Variants in SGCZ observed in about 807,000 individuals in gnomAD.
SGCZ encodes the protein sarcoglycan zeta, also known as zeta-sarcoglycan.
SGCZ carries 40 observed loss-of-function variants against 41.3 expected under a neutral mutation model. The ratio of observed to expected loss-of-function variants is 0.97; its 90% CI spans 0.75 to 1.26. The LOEUF (loss-of-function observed/expected upper bound fraction) is 1.26. Ranked by LOEUF, SGCZ falls within the 50% of genes most tolerant of loss-of-function variation. The pLI is 0.00. For synonymous variants in SGCZ, 206 were observed against 137.5 expected, an observed-to-expected ratio of 1.50 and a Z score of -3.49; for missense variants, 552 against 369.8, an observed-to-expected ratio of 1.49 and a Z score of -4.04.
At chr8:14,452,402 T>C (rs899226191) in intron 2 of SGCZ, among the ~76,000 whole-genome samples, 2 of 152,044 alleles carry the variant, frequency 1.3e-5, no homozygotes, top group African/African-American at 4.8e-5. Context: ...GATATACTTG[T>C]CCTAACTCAA....
At chr8:14,200,018 G>A (rs1038748927) in intron 4 of SGCZ, among the ~76,000 whole-genome samples, 7 of 152,166 alleles carry the variant, frequency 4.6e-5, no homozygotes, top group South Asian at 2.1e-4. Flanking sequence ...GGTTGACGAC[G>A]TAAACAGAAA....
intron 2 of SGCZ, among the ~76,000 whole-genome samples, chr8:14,491,336 CAT>C (rs562359884): frequency 2.7e-4 from 38 of 142,290 alleles, no homozygotes; most frequent in African/African-American, 9.4e-4. Flanking sequence ...CAGGCAAAAA[CAT>C]CACACATCAG....
At chr8:14,621,110 T>C (rs898135906) in intron 1 of SGCZ, among the ~76,000 whole-genome samples, 2 of 151,890 alleles carry the variant, frequency 1.3e-5, no homozygotes, top group African/African-American at 4.8e-5. Context: ...TATGCAGCCA[T>C]AAAAATGATG....
chr8:14,733,187 GCC>G (rs1303852258), intron 1 of SGCZ, among the ~76,000 whole-genome samples: 1 of 152,008 alleles, frequency 6.6e-6, no homozygotes, highest in Non-Finnish European at 1.5e-5. Flanking sequence ...TTCCCTAACT[GCC>G]CCAGGGCCAG....
At chr8:14,149,051 T>G (rs944424333) in intron 5 of SGCZ, among the ~76,000 whole-genome samples, 6 of 151,898 alleles carry the variant, frequency 4.0e-5, no homozygotes, top group African/African-American at 1.5e-4. Context: ...TAACAAAAGT[T>G]CTATATAAGA....
intron 2 of SGCZ, among the ~76,000 whole-genome samples, chr8:14,374,925 G>A (rs965199227): frequency 5.3e-5 from 8 of 152,158 alleles, no homozygotes; most frequent in Non-Finnish European, 2.9e-5. Context: ...CAGCAAAGTA[G>A]GAGATGGAAA....
At position 14,551,532 on chromosome 8, in the gene SGCZ, TAATATATATAATATATATAATATATA is replaced by T. The variant is rs1803840785; in HGVS notation, c.234+3174_234+3199del. On this transcript the variant is annotated intron_variant, in intron 2 of 7. Coordinates refer to ENST00000382080, the MANE Select transcript of SGCZ (RefSeq NM_139167.4). Reference sequence around the variant, plus strand: ...TTATATATATTATATATAATATATATAATATATATAATATATATAATATATATTATATATATAATATATATATAATA... The same window carrying T: ...TTATATATATTATATATAATATATATTTATATATATAATATATATATAATA... Among the ~76,000 whole-genome samples, 4 of 5,660 alleles carry T rather than the reference TAATATATATAATATATATAATATATA, an allele frequency of 7.1e-4. No homozygotes were observed. In the Admixed American group the frequency reaches 0.015, roughly 21 times the overall value. 3.7% of individuals were successfully genotyped at this position (5,660 alleles called of 152,430 possible).
chr8:14,566,236 G>C (rs935188555), intron 1 of SGCZ, among the ~76,000 whole-genome samples: 6 of 152,122 alleles, frequency 3.9e-5, no homozygotes, highest in Non-Finnish European at 5.9e-5. Flanking sequence ...TTATTCTCTT[G>C]AATTATTTAC....
chr8:14,144,380 G>A (rs1326553119), intron 5 of SGCZ, among the ~76,000 whole-genome samples: 1 of 152,198 alleles, frequency 6.6e-6, no homozygotes, highest in Non-Finnish European at 1.5e-5. Flanking sequence ...TGGGCCAGAA[G>A]GGAATCCACT....
intron 1 of SGCZ, among the ~76,000 whole-genome samples, chr8:14,709,915 T>C (rs190585263): frequency 2.4e-4 from 36 of 152,270 alleles, no homozygotes; most frequent in East Asian, 1.9e-3. Flanking sequence ...CAAGTAATTG[T>C]CTTAATATTA....
At chr8:14,468,767 T>C (rs1474069649) in intron 2 of SGCZ, among the ~76,000 whole-genome samples, 3 of 152,074 alleles carry the variant, frequency 2.0e-5, no homozygotes, top group Non-Finnish European at 2.9e-5. Context: ...TAACTCTCCA[T>C]AAAATTAGCC....
At chr8:14,285,914 G>T (rs1032542752) in intron 3 of SGCZ, among the ~76,000 whole-genome samples, 15 of 152,194 alleles carry the variant, frequency 9.9e-5, no homozygotes, top group East Asian at 3.9e-4. Context: ...GACATCCTAT[G>T]ATTAGAATAC....
At chr8:14,269,103 T>C (rs1585302348) in intron 3 of SGCZ, among the ~76,000 whole-genome samples, 1 of 152,220 alleles carries the variant, frequency 6.6e-6, no homozygotes, top group South Asian at 2.1e-4. Context: ...ATATTCTCTA[T>C]GATATAGTCA....
intron 1 of SGCZ, among the ~76,000 whole-genome samples, chr8:14,669,996 A>G (rs1808053517): frequency 6.6e-6 from 1 of 152,214 alleles, no homozygotes; most frequent in Admixed American, 6.5e-5. Flanking sequence ...ATACAAGTAC[A>G]GCATGATATT....
At position 14,523,876 on chromosome 8, in the gene SGCZ, C is replaced by T. The variant is rs1802862324; in HGVS notation, c.234+30856G>A. Among the ~76,000 whole-genome samples the T allele has an allele frequency of 2.0e-5, 3 of 151,850 alleles. No homozygotes were observed. The South Asian group carries it at 6.2e-4, about 31-fold the overall frequency. Reference sequence around the variant, plus strand: ...GTCCCTAAACTTCTGTTATTTTTTCCCTACTCTGTTTTCTTTCTATTGCTC... The same window carrying T: ...GTCCCTAAACTTCTGTTATTTTTTCTCTACTCTGTTTTCTTTCTATTGCTC... On this transcript the variant is annotated intron_variant, in intron 2 of 7. Transcript: ENST00000382080.
chr8:14,447,597 C>T (rs1378864138), intron 2 of SGCZ, among the ~76,000 whole-genome samples: 1 of 152,116 alleles, frequency 6.6e-6, no homozygotes, highest in Admixed American at 6.6e-5. Context: ...TTACGCTGTG[C>T]TTTAAACTCC....
rs182989027 is a variant in SGCZ at position 14,801,636 on chromosome 8, G to A, written c.40-246710C>T. Among the ~76,000 whole-genome samples, 249 of 152,260 alleles carry A rather than the reference G, an allele frequency of 1.6e-3. 2 individuals carry two copies. The highest frequency in any genetic ancestry group is 0.012 in the Admixed American group (187 of 15,282). On this transcript the variant is annotated intron_variant, in intron 1 of 7. Coordinates refer to ENST00000382080, the MANE Select transcript of SGCZ (RefSeq NM_139167.4). The stretch of plus-strand genomic sequence containing the variant: ...CATATAGAATGGCAAAAATAAATGT[G>A]AGGAAATTATTATAGACTTGCATTT...
chr8:14,318,865 C>T (rs1801815550), intron 3 of SGCZ, among the ~76,000 whole-genome samples: 1 of 151,442 alleles, frequency 6.6e-6, no homozygotes, highest in Non-Finnish European at 1.5e-5. Flanking sequence ...AAACCAAACT[C>T]ATAGACAGTA....
At chr8:14,222,705 A>T (rs1806240428) in intron 4 of SGCZ, among the ~76,000 whole-genome samples, 1 of 151,484 alleles carries the variant, frequency 6.6e-6, no homozygotes, top group Admixed American at 6.6e-5. Context: ...AAAGATGAAG[A>T]GACTTAATGT....
Sources: allele counts gnomAD v4.1 joint callset (sites outside exome capture counted in the v4.1 genomes callset), GRCh38; gene constraint gnomAD v4.1.1; transcripts MANE v1.5; gene names NCBI Gene and HGNC (gene_info 2026-07-23, HGNC 2026-07-21).